KLF13: variants seen among roughly 807,000 people sequenced by gnomAD.
The protein encoded by KLF13 is Krueppel-like factor 13.
In KLF13, 8 loss-of-function variants were observed where a neutral mutation model predicts 16.7. That is an observed-to-expected ratio of 0.48 (90% CI 0.28 to 0.87). The LOEUF (loss-of-function observed/expected upper bound fraction) is 0.87. Among genes scored for constraint, KLF13 ranks in the 40% least tolerant of loss-of-function variants. KLF13 has a pLI of 0.10. For missense variants in KLF13, 447 were observed against 452.2 expected (o/e 0.99, Z 0.10); for synonymous variants, 245 against 208.4 (o/e 1.18, Z -1.51).
intron 2 of KLF13, among the ~76,000 whole-genome samples, chr15:31,403,207 G>C (rs79921720): frequency 0.012 from 1,883 of 152,324 alleles, 27 homozygotes; most frequent in African/African-American, 0.034. Context: ...TTTGGGGCAA[G>C]ATCTTTTGCT....
Position 31,365,965 on chromosome 15 carries a change from C to T in KLF13, c.578-6045C>T, listed in dbSNP as rs1351468926. Among the ~76,000 whole-genome samples the T allele has an allele frequency of 0.023, 8 of 344 alleles. No homozygotes were observed. In the Admixed American group the frequency reaches 0.25, roughly 11 times the overall value. The allele number at this position is 344 out of a possible 152,430, so 0.2% of individuals were successfully genotyped here. A position where few individuals can be genotyped will look rare whatever the true frequency, so the allele number is the denominator to read the frequency against. On this transcript the variant is annotated intron_variant, in intron 1 of 1. Transcript: ENST00000307145. ...GCTTGGGCAAGAGCAGCATGTGGGA[C>T]GCTGTGTTCCTGATAAGATGAGGCA...
intron 1 of KLF13, among the ~76,000 whole-genome samples, chr15:31,346,746 C>T (rs1306502846): frequency 6.6e-6 from 1 of 152,244 alleles, no homozygotes; most frequent in East Asian, 1.9e-4. Flanking sequence ...CTTTCAGTTT[C>T]TAGCGAGGGA....
At chr15:31,327,867 C>A (rs1316708370) in intron 1 of KLF13, 78 bp downstream of exon 1, 3 of 1,211,310 alleles carry the variant, frequency 2.5e-6, no homozygotes. Flanking sequence ...CCGGAGTCCC[C>A]GATGGGGCGC....
chr15:31,359,165 A>G (rs560956316), intron 1 of KLF13, among the ~76,000 whole-genome samples: 1 of 152,302 alleles, frequency 6.6e-6, no homozygotes, highest in African/African-American at 2.4e-5. Context: ...ACGTCTCCCT[A>G]CTTATCCATT....
chr15:31,344,456 G>A (rs975687545), intron 1 of KLF13, among the ~76,000 whole-genome samples: 4 of 146,544 alleles, frequency 2.7e-5, no homozygotes, highest in African/African-American at 1.0e-4. Flanking sequence ...CCAGACATTT[G>A]CCAAGCTTGG....
intron 1 of KLF13, among the ~76,000 whole-genome samples, chr15:31,433,618 G>C (rs1566853458): frequency 6.6e-6 from 1 of 152,156 alleles, no homozygotes; most frequent in Non-Finnish European, 1.5e-5. Flanking sequence ...TGAAGGCTAT[G>C]GGCTAGGATG....
At chr15:31,414,260 A>G (rs185457951) in intron 1 of KLF13, among the ~76,000 whole-genome samples, 1 of 152,204 alleles carries the variant, frequency 6.6e-6, no homozygotes, top group African/African-American at 2.4e-5. Context: ...AAAATGCTAC[A>G]TTAGAAAATA....
intron 1 of KLF13, among the ~76,000 whole-genome samples, chr15:31,423,095 A>ATATACGTATACGTATACGTATATATACG (rs2040349628): frequency 7.2e-6 from 1 of 139,430 alleles, no homozygotes; most frequent in Non-Finnish European, 1.5e-5. Flanking sequence ...ATATACGTAT[A>ATATACGTATACGTATACGTATATATACG]TATACGTATA....
downstream of KLF13, among the ~76,000 whole-genome samples, chr15:31,407,284 C>G (rs1038610700): frequency 2.0e-5 from 3 of 152,042 alleles, no homozygotes; most frequent in Non-Finnish European, 4.4e-5. Context: ...TCAAGACCAG[C>G]CTGGGCAACA....
chr15:31,424,875 T>TCACACACACACACACACA (rs71110875), intron 1 of KLF13, among the ~76,000 whole-genome samples: 1,513 of 146,280 alleles, frequency 0.01, 38 homozygotes, highest in African/African-American at 0.036. Context: ...TCTAGAGATT[T>TCACACACACACACACACA]CACACACACA....
In KLF13 at chr15:31,358,514, C is replaced by T. The variant is rs2039334751; in HGVS notation, c.578-13496C>T. Among the ~76,000 whole-genome samples the T allele has an allele frequency of 2.0e-5, 3 of 152,186 alleles. No individual in the cohort carries two copies. The South Asian group carries it at 6.2e-4, about 32-fold the overall frequency. On this transcript the variant is annotated intron_variant, in intron 1 of 1. Transcript: ENST00000307145. ...TCATAATAACAAATGACACTGAACA[C>T]CTTTTCACACAGTTGTTTACCATCT...
chr15:31,435,289 C>T (rs2040516766), intron 1 of KLF13: 1 of 152,090 alleles, frequency 6.6e-6, no homozygotes, highest in African/African-American at 2.4e-5. Flanking sequence ...AGAAGGGTCT[C>T]GCTAGGGTCA....
chr15:31,359,935 C>T (rs769043382), intron 1 of KLF13, among the ~76,000 whole-genome samples: 3 of 152,308 alleles, frequency 2.0e-5, no homozygotes, highest in Non-Finnish European at 2.9e-5. Context: ...ATGTTGTGGT[C>T]TTGGGGGAGG....
intron 1 of KLF13, among the ~76,000 whole-genome samples, chr15:31,355,811 G>A (rs1167030848): frequency 1.3e-5 from 2 of 151,892 alleles, no homozygotes; most frequent in African/African-American, 2.4e-5. Flanking sequence ...TTTTCCCAGT[G>A]CTGTTGTCCC....
At chr15:31,433,688 C>G (rs1332277251) in intron 1 of KLF13, among the ~76,000 whole-genome samples, 2 of 151,782 alleles carry the variant, frequency 1.3e-5, no homozygotes, top group Admixed American at 6.6e-5. Context: ...AATGTCATCT[C>G]AAAGATACCT....
chr15:31,435,110 C>T (rs1056613334), intron 1 of KLF13, among the ~76,000 whole-genome samples: 2 of 152,116 alleles, frequency 1.3e-5, no homozygotes, highest in Non-Finnish European at 2.9e-5. Flanking sequence ...GCGGGTGCAA[C>T]GTGTGTGTTT....
chr15:31,433,814 T>C (rs2040499404), intron 1 of KLF13, among the ~76,000 whole-genome samples: 1 of 152,126 alleles, frequency 6.6e-6, no homozygotes, highest in Non-Finnish European at 1.5e-5. Flanking sequence ...GGGACATCAG[T>C]CCCACGCCAG....
chr15:31,408,724 C>T (rs779774553), downstream of KLF13, among the ~76,000 whole-genome samples: 75 of 152,138 alleles, frequency 4.9e-4, no homozygotes, highest in Non-Finnish European at 9.1e-4. Flanking sequence ...TTGGAACTAT[C>T]GGACAGGGAA....
At chr15:31,371,476 C>T (rs187969687) in intron 1 of KLF13, among the ~76,000 whole-genome samples, 119 of 152,356 alleles carry the variant, frequency 7.8e-4, no homozygotes, top group African/African-American at 2.7e-3. Flanking sequence ...ATTCCAGGCC[C>T]CGGAACTCAC....
Sources: allele counts gnomAD v4.1 joint callset (sites outside exome capture counted in the v4.1 genomes callset), GRCh38; gene constraint gnomAD v4.1.1; transcripts MANE v1.5; gene names NCBI Gene and HGNC (gene_info 2026-07-23, HGNC 2026-07-21).